The following NTN4 variants were observed in gnomAD, a reference collection of about 807,000 sequenced individuals.
NTN4 encodes netrin 4.
Under a neutral mutation model 73.6 loss-of-function variants are expected in NTN4, and 32 were observed. The ratio of observed to expected loss-of-function variants is 0.44; its 90% CI spans 0.33 to 0.58. The LOEUF (loss-of-function observed/expected upper bound fraction) is 0.58, where lower values mean the gene tolerates loss of function less well. Ranked by LOEUF, NTN4 falls within the 20% of genes least tolerant of loss-of-function variation. The pLI is 0.04. For missense variants in NTN4, 654 were observed against 798.3 expected (o/e 0.82, Z 2.18); for synonymous variants, 258 against 287.5 (o/e 0.90, Z 1.04).
intron 5 of NTN4, among the ~76,000 whole-genome samples, chr12:95,699,629 G>GAA (rs35777947): frequency 1.9e-4 from 27 of 139,056 alleles, no homozygotes; most frequent in South Asian, 6.7e-4. Context: ...CAGAAAGAAG[G>GAA]AAAAAAAAAA....
chr12:95,785,863 T>C (rs2079163630), intron 2 of NTN4, among the ~76,000 whole-genome samples: 1 of 152,222 alleles, frequency 6.6e-6, no homozygotes, highest in Non-Finnish European at 1.5e-5. Context: ...CCAGGCTGTC[T>C]CAACCTCGGT....
chr12:95,694,647 A>AT (rs1325032049), intron 5 of NTN4, among the ~76,000 whole-genome samples: 1 of 151,954 alleles, frequency 6.6e-6, no homozygotes, highest in Non-Finnish European at 1.5e-5. Flanking sequence ...GCTATCAACT[A>AT]TTTTTGCTAG....
rs1565921068 is a variant in NTN4 at position 95,787,314 on chromosome 12, C to T, written c.210G>A (p.Leu70=). 6.2e-7 allele frequency: 1 copy of T among 1,614,094 alleles called. No individual in the cohort carries two copies. Among genetic ancestry groups the T allele is most frequent in the Non-Finnish European group, 8.5e-7 (1 of 1,180,046 alleles). ...TGTCACATTTGGGCTGCCGACAAGT[C>T]AGATCCGTGTTCTCACTGTAGAAGC... is the stretch of plus-strand genomic sequence containing the variant. ...LYCFYSENTD[L]TCRQPKCDKC... Residue 70 remains leucine (L), a synonymous_variant, in exon 2 of 10, where the codon CTG becomes CTA. Coordinates refer to ENST00000343702, the MANE Select transcript of NTN4 (RefSeq NM_021229.4).
chr12:95,737,834 G>A, intron 3 of NTN4, 32 bp downstream of exon 3: 1 of 1,586,044 alleles, frequency 6.3e-7, no homozygotes, highest in Non-Finnish European at 8.6e-7. Context: ...CTTATGATTT[G>A]TTTTTCTTAG....
At chr12:95,714,548 A>G (rs947651884) in intron 3 of NTN4, among the ~76,000 whole-genome samples, 6 of 152,234 alleles carry the variant, frequency 3.9e-5, no homozygotes, top group Admixed American at 3.9e-4. Flanking sequence ...TTTAAGAAAG[A>G]TAAAATGTAT....
intron 2 of NTN4, among the ~76,000 whole-genome samples, chr12:95,738,775 C>G (rs1317589866): frequency 6.6e-6 from 1 of 152,126 alleles, no homozygotes; most frequent in African/African-American, 2.4e-5. Flanking sequence ...TGTCACATGT[C>G]CAAGGTCTAC....
chr12:95,762,476 G>A (rs988921143), intron 2 of NTN4, among the ~76,000 whole-genome samples: 1 of 152,096 alleles, frequency 6.6e-6, no homozygotes, highest in Non-Finnish European at 1.5e-5. Flanking sequence ...ATTAAGTTTC[G>A]GTCTGAAGTA....
chr12:95,771,238 C>T (rs946958215), intron 2 of NTN4, among the ~76,000 whole-genome samples: 1 of 152,106 alleles, frequency 6.6e-6, no homozygotes, highest in Non-Finnish European at 1.5e-5. Context: ...ATCTGCCCGC[C>T]TCGGCTTCCC....
intron 5 of NTN4, among the ~76,000 whole-genome samples, chr12:95,699,476 G>A (rs544340734): frequency 7.9e-5 from 12 of 152,224 alleles, no homozygotes; most frequent in South Asian, 2.1e-4. Context: ...CAGTGCAAAC[G>A]GAAATGCAGA....
chr12:95,741,459 A>ATC (rs2078825327), intron 2 of NTN4, among the ~76,000 whole-genome samples: 4 of 122,832 alleles, frequency 3.3e-5, no homozygotes, highest in African/African-American at 1.4e-4. Context: ...ATATATATAT[A>ATC]TATATATATA....
chr12:95,720,368 G>A (rs569723644), intron 3 of NTN4, among the ~76,000 whole-genome samples: 1 of 152,266 alleles, frequency 6.6e-6, no homozygotes, highest in Admixed American at 6.5e-5. Context: ...CATGAATGGA[G>A]CCAATGCAAA....
intron 2 of NTN4, among the ~76,000 whole-genome samples, chr12:95,763,759 T>A (rs986242723): frequency 2.0e-5 from 3 of 152,262 alleles, no homozygotes; most frequent in Non-Finnish European, 4.4e-5. Context: ...TTCAAAGATT[T>A]TTCCATAATG....
intron 4 of NTN4, among the ~76,000 whole-genome samples, chr12:95,712,292 T>C (rs2078570203): frequency 1.3e-5 from 2 of 152,156 alleles, no homozygotes; most frequent in African/African-American, 4.8e-5. Flanking sequence ...CTTACTGGCT[T>C]AATTTCAAAT....
chr12:95,748,244 A>AG (rs1555219978), intron 2 of NTN4, among the ~76,000 whole-genome samples: 91 of 138,524 alleles, frequency 6.6e-4, no homozygotes, highest in Non-Finnish European at 1.2e-3. Flanking sequence ...AAAAAAAAAA[A>AG]AAAAGAAAAG....
Position 95,683,682 on chromosome 12 carries a change from C to T in NTN4, c.1210G>A (p.Val404Ile), listed in dbSNP as rs748569240. Residue 404 changes from valine (V) to isoleucine (I), a missense_variant, in exon 6 of 10, where the codon GTC becomes ATC. Coordinates refer to ENST00000343702, the MANE Select transcript of NTN4 (RefSeq NM_021229.4). ...PCSCHPVGSAVLPANSVTFCD... is the reference protein window; with the variant it reads ...PCSCHPVGSAILPANSVTFCD... ...AAGGTCACTGAGTTGGCAGGAAGGA[C>T]AGCTGATCCTACTGGATGGCAGGAA... 93 of 1,612,122 alleles carry T rather than the reference C, an allele frequency of 5.8e-5. 2 individuals carry two copies. The highest frequency in any genetic ancestry group is 5.4e-4 in the Admixed American group (32 of 59,706).
At chr12:95,714,056 G>C (rs974104446) in intron 3 of NTN4, among the ~76,000 whole-genome samples, 4 of 151,990 alleles carry the variant, frequency 2.6e-5, no homozygotes, top group African/African-American at 9.7e-5. Flanking sequence ...AATACAGTTT[G>C]TCCTAATGAC....
At chr12:95,765,651 T>C (rs1268526648) in intron 2 of NTN4, among the ~76,000 whole-genome samples, 1 of 152,202 alleles carries the variant, frequency 6.6e-6, no homozygotes, top group Non-Finnish European at 1.5e-5. Flanking sequence ...GCTAGACATA[T>C]AGAGGCACCC....
At chr12:95,732,177 T>C (rs778861419) in intron 3 of NTN4, among the ~76,000 whole-genome samples, 18 of 152,166 alleles carry the variant, frequency 1.2e-4, no homozygotes, top group Non-Finnish European at 2.1e-4. Flanking sequence ...CCTGTTCGTT[T>C]CCTTAATACC....
intron 8 of NTN4, among the ~76,000 whole-genome samples, chr12:95,667,382 A>C (rs1360427529): frequency 6.6e-6 from 1 of 151,882 alleles, no homozygotes; most frequent in Non-Finnish European, 1.5e-5. Flanking sequence ...TTCACAGGGA[A>C]GTTCTTATCG....
Sources: gnomAD v4.1 joint callset for allele counts (sites outside exome capture counted in the v4.1 genomes callset) on GRCh38, gnomAD v4.1.1 for gene constraint, MANE v1.5 for transcripts, NCBI Gene and HGNC (gene_info 2026-07-23, HGNC 2026-07-21) for gene names.